OARD1: variants seen among roughly 807,000 people sequenced by gnomAD.
The protein encoded by OARD1 is O-acyl-ADP-ribose deacylase 1, also known as ADP-ribose glycohydrolase OARD1.
In OARD1, 19 loss-of-function variants were observed where a neutral mutation model predicts 19.7. The ratio of observed to expected loss-of-function variants is 0.96; its 90% CI spans 0.67 to 1.41. OARD1 has a LOEUF of 1.41. OARD1 is among the 40% of genes most tolerant of loss of function. The pLI is 0.00. For missense variants in OARD1, 190 were observed against 183.8 expected (o/e 1.03, Z -0.20); for synonymous variants, 70 against 61.8 (o/e 1.13, Z -0.62).
intron 1 of OARD1, 71 bp from the exon 2 acceptor site, chr6:41,071,746 AACC>A: frequency 1.2e-6 from 1 of 854,102 alleles, no homozygotes; most frequent in Non-Finnish European, 2.0e-6. Flanking sequence ...TGCCCTGTAC[AACC>A]ACTTAATAGG....
intron 1 of OARD1, chr6:41,089,730 C>A: frequency 1.2e-6 from 2 of 1,607,360 alleles, no homozygotes; most frequent in South Asian, 1.1e-5. Flanking sequence ...CTAGCTCTGT[C>A]ACACAGGAGC....
upstream of OARD1, chr6:41,073,218 G>A (rs1011520773): frequency 6.6e-6 from 1 of 151,764 alleles, no homozygotes; most frequent in Non-Finnish European, 1.5e-5. Context: ...AGCCGAGCCG[G>A]GCGGCCAGCG....
chr6:41,072,312 A>C lies in OARD1; in HGVS notation c.-118T>G, dbSNP rs1763489506. 6.6e-6 allele frequency: 1 copy of C among 152,396 alleles called. No homozygotes were observed. 9.4% of individuals were successfully genotyped at this position (152,396 alleles called of 1,614,324 possible). On this transcript the variant is annotated 5_prime_UTR_variant, in exon 1 of 6. Coordinates refer to ENST00000424266, the MANE Select transcript of OARD1 (RefSeq NM_001329686.2). ...TGCGGGGAGGCTCGCTCAAAGCCCC[A>C]ACGTACCCAAGTCACCCTTCACCTG... is the stretch of plus-strand genomic sequence containing the variant.
chr6:41,090,598 G>A lies in OARD1; in HGVS notation c.-42+7115C>T, dbSNP rs139175787. Among the ~76,000 whole-genome samples, 581 of 152,220 alleles carry A rather than the reference G, an allele frequency of 3.8e-3. 11 individuals are homozygous for A. The South Asian group carries it at 0.06, about 16-fold the overall frequency. On this transcript the variant is annotated intron_variant, in intron 1 of 4. Coordinates refer to the OARD1 transcript ENST00000480585. Reference sequence around the variant, plus strand: ...GAAGAATAGAAATAGGGAGTTCATTGGTAAAGAGAGAAATAGATCAAAAAT... The same window carrying A: ...GAAGAATAGAAATAGGGAGTTCATTAGTAAAGAGAGAAATAGATCAAAAAT...
intron 1 of OARD1, chr6:41,092,895 G>A: frequency 1.2e-6 from 2 of 1,609,388 alleles, no homozygotes; most frequent in Non-Finnish European, 1.7e-6. Context: ...ATAAGCTCTG[G>A]TTTCCTGTTC....
At chr6:41,092,359 T>C (rs1764218996) in intron 1 of OARD1, among the ~76,000 whole-genome samples, 1 of 152,206 alleles carries the variant, frequency 6.6e-6, no homozygotes, top group African/African-American at 2.4e-5. Flanking sequence ...AGACCTCGTT[T>C]CTACGAATTG....
At chr6:41,068,702 G>C in intron 5 of OARD1, 139 bp downstream of exon 5, 2 of 522,960 alleles carry the variant, frequency 3.8e-6, no homozygotes, top group South Asian at 3.2e-5. Context: ...CTGGTTCACT[G>C]GTGGTTTTAC....
In OARD1 at chr6:41,067,352, T is replaced by G. The variant is rs879044321; in HGVS notation, c.442A>C (p.Thr148Pro). ...EVFEATDIKITVYTL is the reference protein window; with the variant it reads ...EVFEATDIKIPVYTL ...TCACTGGTTCAGAGTGTGTACACAG[T>G]AATTTTGATGTCTGTTGCCTCAAAT... The change falls in exon 6 of 6, where the codon ACT (threonine) becomes CCT (proline). Residue 148 changes from threonine (T) to proline (P), a missense_variant. Coordinates refer to ENST00000424266, the MANE Select transcript of OARD1 (RefSeq NM_001329686.2). The G allele has an allele frequency of 6.2e-7, 1 of 1,610,144 alleles. No homozygotes were observed. The highest frequency in any genetic ancestry group is 1.1e-5 in the South Asian group (1 of 90,982).
intron 3 of OARD1, 146 bp downstream of exon 3, chr6:41,070,986 A>G: frequency 4.9e-6 from 4 of 810,042 alleles, no homozygotes; most frequent in East Asian, 2.6e-5. Context: ...GTAAACGTCT[A>G]AACTAGAGGC....
At chr6:41,090,350 ACTTTTTTGTCC>A (rs756557146) in intron 1 of OARD1, 2 of 1,361,150 alleles carry the variant, frequency 1.5e-6, no homozygotes, top group South Asian at 2.3e-5. Flanking sequence ...TTTTGGGGCA[ACTTTTTTGTCC>A]CTTAGACAAC....
chr6:41,067,265 G>A lies in OARD1; in HGVS notation c.*70C>T. The A allele has an allele frequency of 1.1e-6, 1 of 926,416 alleles. No homozygotes were observed. The highest frequency in any genetic ancestry group is 1.7e-6 in the Non-Finnish European group (1 of 589,474). 57.4% of individuals were successfully genotyped at this position (926,416 alleles called of 1,614,324 possible). Reference sequence around the variant, plus strand: ...CTTTCCTCTGCCTATTTTAAGGTAGGTTTGCCCGGTCCTATGGCCCAGTAG... The same window carrying A: ...CTTTCCTCTGCCTATTTTAAGGTAGATTTGCCCGGTCCTATGGCCCAGTAG... On this transcript the variant is annotated 3_prime_UTR_variant, in exon 6 of 6. Coordinates refer to ENST00000424266, the MANE Select transcript of OARD1 (RefSeq NM_001329686.2).
intron 3 of OARD1, chr6:41,070,871 C>G: frequency 1.7e-6 from 1 of 600,238 alleles, no homozygotes; most frequent in South Asian, 2.1e-5. Context: ...CTAAGCATCT[C>G]AGAGTTATTT....
chr6:41,094,017 T>C (rs888454704), intron 1 of OARD1, among the ~76,000 whole-genome samples: 2 of 152,228 alleles, frequency 1.3e-5, no homozygotes, highest in African/African-American at 2.4e-5. Flanking sequence ...AGTGAAACCC[T>C]GTTTCTAGAA....
At chr6:41,081,281 A>C (rs2113795417) in intron 1 of OARD1, among the ~76,000 whole-genome samples, 1 of 152,228 alleles carries the variant, frequency 6.6e-6, no homozygotes, top group Middle Eastern at 3.4e-3. Flanking sequence ...CGAGGTCAGG[A>C]GATCGAGACC....
chr6:41,086,450 A>G (rs1764046222), intron 1 of OARD1, among the ~76,000 whole-genome samples: 1 of 152,184 alleles, frequency 6.6e-6, no homozygotes, highest in Admixed American at 6.5e-5. Flanking sequence ...CTGTTACGTA[A>G]ATAAAGCTCT....
intron 1 of OARD1, among the ~76,000 whole-genome samples, chr6:41,084,989 T>C (rs114692198): frequency 0.022 from 3,274 of 152,178 alleles, 52 homozygotes; most frequent in Non-Finnish European, 0.033. Flanking sequence ...AACAGAAATA[T>C]GTAGAAATGT....
upstream of OARD1, among the ~76,000 whole-genome samples, chr6:41,076,044 C>T (rs1010695015): frequency 2.6e-5 from 4 of 152,180 alleles, no homozygotes; most frequent in Admixed American, 2.6e-4. Context: ...AAGCGTCTAT[C>T]AGGACCCACT....
At chr6:41,073,618 G>A (rs1283045925), upstream of OARD1, among the ~76,000 whole-genome samples, 1 of 152,130 alleles carries the variant, frequency 6.6e-6, no homozygotes, top group African/African-American at 2.4e-5. Flanking sequence ...GCCCCTCTAG[G>A]TCGGGAGGGA....
Position 41,079,310 on chromosome 6 carries a change from A to C in OARD1, c.-41-7635T>G. On this transcript the variant is annotated intron_variant, in intron 1 of 4. Coordinates refer to the OARD1 transcript ENST00000480585. ...GTCTGATGGCTTGTGCTGAAATGCC[A>C]TGTCTAGCCCATGACCACTTAGAAT... is the stretch of plus-strand genomic sequence containing the variant. 4.2e-6 allele frequency: 3 copies of C among 719,810 alleles called. No individual in the cohort carries two copies. The South Asian group carries it at 5.5e-5, about 13-fold the overall frequency. The allele number at this position is 719,810 out of a possible 1,614,324, so 44.6% of individuals were successfully genotyped here. A position where few individuals can be genotyped will look rare whatever the true frequency, so the allele number is the denominator to read the frequency against.
Sources: allele counts gnomAD v4.1 joint callset (sites outside exome capture counted in the v4.1 genomes callset), GRCh38; gene constraint gnomAD v4.1.1; transcripts MANE v1.5; gene names NCBI Gene and HGNC (gene_info 2026-07-23, HGNC 2026-07-21).